Variants in MYH2 observed in about 807,000 individuals in gnomAD.
The protein encoded by MYH2 is myosin-2.
A neutral mutation model predicts 228.1 loss-of-function variants in MYH2; 139 were observed. The ratio of observed to expected loss-of-function variants is 0.61; its 90% confidence interval spans 0.53 to 0.70. MYH2 has a LOEUF of 0.70. MYH2 is among the 30% of genes least tolerant of loss of function. The pLI, the probability that MYH2 is intolerant of heterozygous loss-of-function variation, is 0.00. For synonymous variants in MYH2, 796 were observed against 871.1 expected (o/e 0.91, Z 1.52); for missense variants, 1,809 against 2,357.5 (o/e 0.77, Z 4.82).
chr17:10,537,292 T>C lies in MYH2; in HGVS notation c.1838A>G (p.Gln613Arg). The change falls in exon 16 of 40, where the codon CAG becomes CGG. Residue 613 changes from glutamine (Q) to arginine (R), a missense_variant. By Grantham distance (43) the Gln-to-Arg change is conservative. This residue lies in a region of MYH2 where 276 missense variants were observed against 344.2 expected (regional missense o/e 0.80). Transcript: ENST00000245503. The surrounding 1 kb of genome is among the most constrained non-coding windows in gnomAD (Gnocchi z 4.0). ...PLNETVVGLYQKSAMKTLAQL... is the reference protein window; with the variant it reads ...PLNETVVGLYRKSAMKTLAQL... Reference sequence around the variant, plus strand: ...AGCTAGAGTTTTCATTGCAGACTTCTGGTACAGTCCAACCACGGTCTCATT... The same window carrying C: ...AGCTAGAGTTTTCATTGCAGACTTCCGGTACAGTCCAACCACGGTCTCATT... 1 of 1,614,234 alleles carries C rather than the reference T, an allele frequency of 6.2e-7. No individual in the cohort carries two copies.
At chr17:10,541,563 T>G (rs2073555583) in intron 10 of MYH2, among the ~76,000 whole-genome samples, 3 of 152,218 alleles carry the variant, frequency 2.0e-5, no homozygotes, top group Admixed American at 1.3e-4. Context: ...AGTCCTGTGA[T>G]CTCACCCTGC....
chr17:10,523,299 TG>T lies in MYH2; in HGVS notation c.5577+8del, dbSNP rs1216519765. The T allele has an allele frequency of 1.2e-6, 2 of 1,613,974 alleles. No individual in the cohort carries two copies. The highest frequency in any genetic ancestry group is 1.7e-5 in the Admixed American group (1 of 60,014). The stretch of plus-strand genomic sequence containing the variant: ...CCAGTGCTTAGCCGCTAAAAACTAC[TG>T]GCTGTACCTGGTAAGTGAGTTCCTT... On this transcript the variant is annotated splice_region_variant and intron_variant, in intron 38 of 39. Coordinates refer to ENST00000245503, the MANE Select transcript of MYH2 (RefSeq NM_017534.6).
chr17:10,549,200 A>G (rs1376457693), intron 2 of MYH2, among the ~76,000 whole-genome samples, 175 bp downstream of exon 2: 1 of 152,226 alleles, frequency 6.6e-6, no homozygotes, highest in African/African-American at 2.4e-5. Flanking sequence ...GCCGTAAATG[A>G]GGATGTGTGC....
intron 9 of MYH2, 53 bp downstream of exon 9, chr17:10,543,045 G>C (rs2073577207): frequency 1.3e-6 from 2 of 1,591,540 alleles, no homozygotes; most frequent in Non-Finnish European, 1.7e-6. Flanking sequence ...TTTTTGGTCA[G>C]TTTTTTAGGT....
intron 22 of MYH2, 146 bp from the exon 23 acceptor site, chr17:10,530,220 T>G: frequency 1.5e-6 from 2 of 1,340,116 alleles, no homozygotes; most frequent in Non-Finnish European, 2.1e-6. Flanking sequence ...TGAACCACCC[T>G]ACTGTGTACA....
Position 10,547,699 on chromosome 17 carries a change from TC to T in MYH2, c.204+17del. 1 of 1,614,192 alleles carries T rather than the reference TC, an allele frequency of 6.2e-7. No individual in the cohort carries two copies. Among genetic ancestry groups the T allele is most frequent in the Non-Finnish European group, 8.5e-7 (1 of 1,180,034 alleles). On this transcript the variant is annotated intron_variant, in intron 3 of 39. Transcript: ENST00000245503. Reference sequence around the variant, plus strand: ...CAAAAATCAATAAAATGTGGCAAGCTCCTGGGATTCTACTCACCGCTCCTCC... The same window carrying T: ...CAAAAATCAATAAAATGTGGCAAGCTCTGGGATTCTACTCACCGCTCCTCC...
At position 10,526,974 on chromosome 17, in the gene MYH2, A is replaced by C; in HGVS notation, c.3954T>G (p.Ile1318Met). The change falls in exon 29 of 40, where the codon ATT becomes ATG. Residue 1318 changes from isoleucine (I) to methionine (M), a missense_variant. Ile to Met is a conservative substitution (Grantham distance 10). Transcript: ENST00000245503. ...CTTCAAGTTGCCTCTTTAATTCTTCAATCTGTTGAGTAAAGGCTTGTTTGC... is the reference window on the plus strand; with the variant it reads ...CTTCAAGTTGCCTCTTTAATTCTTCCATCTGTTGAGTAAAGGCTTGTTTGC... The part of the protein sequence containing the change: ...SRGKQAFTQQ[I>M]EELKRQLEEE... 1.9e-6 allele frequency: 3 copies of C among 1,614,182 alleles called. No homozygotes were observed. Among genetic ancestry groups the C allele is most frequent in the Non-Finnish European group, 2.5e-6 (3 of 1,180,010 alleles).
chr17:10,530,060 C>T lies in MYH2; in HGVS notation c.2712G>A (p.Leu904=), dbSNP rs2073407226. The T allele has an allele frequency of 6.2e-7, 1 of 1,614,230 alleles. No homozygotes were observed. The highest frequency in any genetic ancestry group is 1.1e-5 in the South Asian group (1 of 91,078). The change falls in exon 23 of 40, where the codon TTG becomes TTA. Residue 904 remains leucine (L), a synonymous_variant. Transcript: ENST00000245503. ...GGTCACACCTTTCCTCTGCATCAGC[C>T]AAGCCTTCGGCTTCCTTAAGTTGGA... ...QLQVQAEAEG[L]ADAEERCDQL... is the part of the protein sequence containing the mutation.
At chr17:10,529,101 A>T (rs1567729876) in intron 26 of MYH2, 22 bp from the exon 27 acceptor site, 1 of 1,614,034 alleles carries the variant, frequency 6.2e-7, no homozygotes, top group Non-Finnish European at 8.5e-7. Context: ...GGAAAATACA[A>T]ACTCAGCTTC....
chr17:10,540,562 T>C (rs763988892), intron 11 of MYH2, 32 bp downstream of exon 11: 26 of 1,527,036 alleles, frequency 1.7e-5, no homozygotes, highest in Non-Finnish European at 2.4e-5. Context: ...TGACCCACCA[T>C]AATAATTCCA....
chr17:10,530,201 T>C, intron 22 of MYH2, 127 bp from the exon 23 acceptor site: 8 of 1,545,604 alleles, frequency 5.2e-6, no homozygotes, highest in Non-Finnish European at 7.1e-6. Context: ...TTCACAAATT[T>C]TTGTTTCATG....
chr17:10,544,080 A>AAAGC lies in MYH2; in HGVS notation c.533+16_533+19dup. ...TAGCAGCTATCACAGCCATGTAAAG[A>AAAGC]AAGCATAAAATCTACTTACGTGATC... On this transcript the variant is annotated intron_variant, in intron 6 of 39. Transcript: ENST00000245503. 6.2e-7 allele frequency: 1 copy of AAAGC among 1,614,178 alleles called. No individual in the cohort carries two copies. The highest frequency in any genetic ancestry group is 2.2e-5 in the East Asian group (1 of 44,888).
At chr17:10,540,819 C>T in intron 10 of MYH2, 122 bp from the exon 11 acceptor site, 1 of 741,340 alleles carries the variant, frequency 1.3e-6, no homozygotes. Context: ...AATAGAGGGA[C>T]CGGCTGAAGC....
chr17:10,543,616 G>T, intron 8 of MYH2, 95 bp downstream of exon 8: 1 of 1,517,644 alleles, frequency 6.6e-7, no homozygotes, highest in Non-Finnish European at 9.1e-7. Flanking sequence ...TGATGTAATA[G>T]AATGGGAATG....
At chr17:10,547,397 T>A in intron 4 of MYH2, 78 bp downstream of exon 4, 1 of 1,565,354 alleles carries the variant, frequency 6.4e-7, no homozygotes, top group South Asian at 1.1e-5. Context: ...ACCTGTGACC[T>A]ATTTATGCTC....
At position 10,544,697 on chromosome 17, in the gene MYH2, T is replaced by C. The variant is rs1040794569; in HGVS notation, c.506-570A>G. Reference sequence around the variant, plus strand: ...GTAAAATTTTGTTTTGATGTTTTACTGTCTCTGAAGAGGAATTCTCTAAGC... The same window carrying C: ...GTAAAATTTTGTTTTGATGTTTTACCGTCTCTGAAGAGGAATTCTCTAAGC... On this transcript the variant is annotated intron_variant, in intron 5 of 39. Transcript: ENST00000245503. 3.3e-5 allele frequency among the ~76,000 whole-genome samples: 5 copies of C among 152,248 alleles called. No individual in the cohort carries two copies. The East Asian group carries it at 9.6e-4, about 29-fold the overall frequency.
At chr17:10,534,989 G>A in intron 19 of MYH2, 84 bp downstream of exon 19, 2 of 1,410,876 alleles carry the variant, frequency 1.4e-6, no homozygotes, top group South Asian at 1.2e-5. Flanking sequence ...ACAAGTAGAG[G>A]CATATGTTTC....
chr17:10,521,375 C>T lies in MYH2; in HGVS notation c.5731G>A (p.Glu1911Lys). The T allele has an allele frequency of 6.2e-7, 1 of 1,614,110 alleles. No homozygotes were observed. Among genetic ancestry groups the T allele is most frequent in the Non-Finnish European group, 8.5e-7 (1 of 1,179,986 alleles). Residue 1911 changes from glutamate (E) to lysine (K), a missense_variant, in exon 40 of 40, where the codon GAG (glutamate) becomes AAG (lysine). Transcript: ENST00000245503. ...GCAATGTCAGCCCGTTCCTCGGCCT[C>T]CTCCAGCTCATGCTGGAGCTTGCGG... is the stretch of plus-strand genomic sequence containing the variant. ...KFRKLQHELEEAEERADIAES... is the reference protein window; with the variant it reads ...KFRKLQHELEKAEERADIAES...
At chr17:10,541,327 G>A (rs918026571) in intron 10 of MYH2, among the ~76,000 whole-genome samples, 2 of 152,152 alleles carry the variant, frequency 1.3e-5, no homozygotes, top group Non-Finnish European at 2.9e-5. Context: ...TTCCTAGGGG[G>A]AGGTCTCTAA....
Sources: gnomAD v4.1 joint callset for allele counts (sites outside exome capture counted in the v4.1 genomes callset) on GRCh38, gnomAD v4.1.1 for gene constraint, gnomAD v4.1.1 regional missense constraint, Gnocchi (gnomAD v3.1) non-coding constraint, MANE v1.5 for transcripts, NCBI Gene and HGNC (gene_info 2026-07-23, HGNC 2026-07-21) for gene names.